Variants in LRMDA observed in about 807,000 individuals in gnomAD.
The protein encoded by LRMDA is leucine-rich melanocyte differentiation-associated protein.
Under a neutral mutation model 29.8 loss-of-function variants are expected in LRMDA, and 18 were observed. The ratio of observed to expected loss-of-function variants is 0.60; its 90% CI spans 0.42 to 0.90. The LOEUF is 0.90. Ranked by LOEUF, LRMDA falls within the 40% of genes least tolerant of loss-of-function variation. LRMDA has a pLI of 0.00. For synonymous variants in LRMDA, 125 were observed against 109.4 expected, an observed-to-expected ratio of 1.14 and a Z score of -0.89; for missense variants, 273 against 273.9, an observed-to-expected ratio of 1.00 and a Z score of 0.02.
At chr10:75,790,804 C>T (rs55876352) in intron 2 of LRMDA, among the ~76,000 whole-genome samples, 1 of 152,180 alleles carries the variant, frequency 6.6e-6, no homozygotes, top group Non-Finnish European at 1.5e-5. Flanking sequence ...TGTGAGTCTC[C>T]TGAGAAAACT....
chr10:75,910,924 G>A (rs1845832067), intron 2 of LRMDA, among the ~76,000 whole-genome samples: 1 of 152,116 alleles, frequency 6.6e-6, no homozygotes, highest in South Asian at 2.1e-4. Context: ...TTCTTTTTGT[G>A]GTTTAGTGTT....
chr10:75,708,392 A>G (rs1331765270), intron 2 of LRMDA, among the ~76,000 whole-genome samples: 1 of 152,160 alleles, frequency 6.6e-6, no homozygotes, highest in African/African-American at 2.4e-5. Flanking sequence ...GTTTGAATTT[A>G]TGGGTTTCCT....
intron 2 of LRMDA, among the ~76,000 whole-genome samples, chr10:75,622,148 G>A (rs1406603348): frequency 6.6e-6 from 1 of 152,178 alleles, no homozygotes; most frequent in Non-Finnish European, 1.5e-5. Flanking sequence ...ATGCATACAT[G>A]TGTGCATTTA....
At chr10:76,133,056 C>T (rs1172290280) in intron 5 of LRMDA, among the ~76,000 whole-genome samples, 1 of 143,826 alleles carries the variant, frequency 7.0e-6, no homozygotes, top group African/African-American at 2.6e-5. Context: ...CTCCTGACCT[C>T]GTGATCCGCC....
intron 2 of LRMDA, among the ~76,000 whole-genome samples, chr10:75,625,495 G>A (rs1382420677): frequency 6.6e-6 from 1 of 152,186 alleles, no homozygotes; most frequent in Non-Finnish European, 1.5e-5. Flanking sequence ...TCAGGGTAGG[G>A]TGGGGTTGGA....
intron 2 of LRMDA, among the ~76,000 whole-genome samples, chr10:75,916,161 C>G (rs1845927900): frequency 1.0e-5 from 1 of 98,704 alleles, no homozygotes; most frequent in African/African-American, 3.7e-5. Context: ...CATTGCCAGG[C>G]CTATGTGTGT....
At chr10:76,136,844 G>C (rs577701166) in intron 5 of LRMDA, among the ~76,000 whole-genome samples, 1 of 152,090 alleles carries the variant, frequency 6.6e-6, no homozygotes, top group Non-Finnish European at 1.5e-5. Context: ...AGGACCAAGC[G>C]TATCAATACC....
rs78759965 is a variant in LRMDA at position 75,447,007 on chromosome 10, G to T, written c.131+8513G>T. On this transcript the variant is annotated intron_variant, in intron 2 of 6. Coordinates refer to ENST00000611255, the MANE Select transcript of LRMDA (RefSeq NM_001305581.2). ...TGGGAAGCATGCTGATATTGGGGTA[G>T]GGGAGGCAACAGAGCTCATGTCTGT... Among the ~76,000 whole-genome samples, 245 of 152,368 alleles carry T rather than the reference G, an allele frequency of 1.6e-3. 4 individuals carry two copies. The East Asian group carries it at 0.034, about 21-fold the overall frequency.
intron 2 of LRMDA, among the ~76,000 whole-genome samples, chr10:75,818,430 G>A (rs1326450172): frequency 1.3e-5 from 2 of 152,214 alleles, no homozygotes; most frequent in East Asian, 3.8e-4. Flanking sequence ...GGTAGATCAT[G>A]TCATTCTCAC....
chr10:75,809,833 G>A (rs1843925728), intron 2 of LRMDA, among the ~76,000 whole-genome samples: 1 of 152,174 alleles, frequency 6.6e-6, no homozygotes, highest in Admixed American at 6.6e-5. Flanking sequence ...AGGCTTTCCT[G>A]AGGACAGAAC....
chr10:75,846,765 A>T (rs1167526705), intron 2 of LRMDA, among the ~76,000 whole-genome samples: 1 of 152,212 alleles, frequency 6.6e-6, no homozygotes, highest in African/African-American at 2.4e-5. Flanking sequence ...AAACCCATTT[A>T]TAATAGCATC....
chr10:75,864,048 A>G (rs574270288), intron 2 of LRMDA, among the ~76,000 whole-genome samples: 2 of 152,310 alleles, frequency 1.3e-5, no homozygotes, highest in Admixed American at 6.5e-5. Flanking sequence ...CTAGAAGTCA[A>G]TAGACAACTT....
chr10:76,330,224 A>G lies in LRMDA; in HGVS notation c.601+5739A>G, dbSNP rs190919589. Among the ~76,000 whole-genome samples, 60 of 152,364 alleles carry G rather than the reference A, an allele frequency of 3.9e-4. No homozygotes were observed. The Middle Eastern group carries it at 0.014, about 35-fold the overall frequency. ...GCCCATAACAAAAGACAGGTTAACA[A>G]GAGAAGAGGATAAGAAATTTACTTA... On this transcript the variant is annotated intron_variant, in intron 6 of 6. Transcript: ENST00000611255.
chr10:76,469,224 C>G (rs1434349098), intron 6 of LRMDA, among the ~76,000 whole-genome samples: 1 of 152,104 alleles, frequency 6.6e-6, no homozygotes, highest in African/African-American at 2.4e-5. Flanking sequence ...GCTCCCTTGC[C>G]CCTCATCTCC....
chr10:76,159,024 A>T (rs1850594523), intron 5 of LRMDA, among the ~76,000 whole-genome samples: 1 of 152,194 alleles, frequency 6.6e-6, no homozygotes, highest in Non-Finnish European at 1.5e-5. Flanking sequence ...ATCATATGGT[A>T]AGTAGAATAT....
At chr10:75,597,924 C>A (rs1420243221) in intron 2 of LRMDA, among the ~76,000 whole-genome samples, 1 of 152,114 alleles carries the variant, frequency 6.6e-6, no homozygotes, top group East Asian at 1.9e-4. Flanking sequence ...GTCAAGCTGT[C>A]AGCCTGCTGC....
At chr10:76,501,597 A>G (rs1226595542) in intron 6 of LRMDA, among the ~76,000 whole-genome samples, 3 of 151,856 alleles carry the variant, frequency 2.0e-5, no homozygotes, top group Non-Finnish European at 4.4e-5. Flanking sequence ...TGTGGTTTTC[A>G]TTTGAATTTC....
At chr10:76,137,001 C>G (rs1481846334) in intron 5 of LRMDA, among the ~76,000 whole-genome samples, 1 of 152,174 alleles carries the variant, frequency 6.6e-6, no homozygotes, top group Non-Finnish European at 1.5e-5. Flanking sequence ...CTGTACAGCT[C>G]ATGTTATTTT....
intron 2 of LRMDA, among the ~76,000 whole-genome samples, chr10:75,832,246 G>T (rs1245886854): frequency 6.6e-6 from 1 of 152,146 alleles, no homozygotes; most frequent in African/African-American, 2.4e-5. Flanking sequence ...TTGCTGCTGA[G>T]AAATTTCTTC....
Sources: gnomAD v4.1 joint callset for allele counts (sites outside exome capture counted in the v4.1 genomes callset) on GRCh38, gnomAD v4.1.1 for gene constraint, MANE v1.5 for transcripts, NCBI Gene and HGNC (gene_info 2026-07-23, HGNC 2026-07-21) for gene names.